Variants in MYO1E observed in about 807,000 individuals in gnomAD.
The protein encoded by MYO1E is myosin IE, also known as unconventional myosin-Ie.
In MYO1E, 68 loss-of-function variants were observed where a neutral mutation model predicts 151.1. That is an observed-to-expected ratio of 0.45 (90% CI 0.37 to 0.55). The LOEUF (loss-of-function observed/expected upper bound fraction) is 0.55. Ranked by LOEUF, MYO1E falls within the 20% of genes least tolerant of loss-of-function variation. The pLI, the probability that MYO1E is intolerant of heterozygous loss-of-function variation, is 0.00. For missense variants in MYO1E, 1,363 were observed against 1,389.3 expected (o/e 0.98, Z 0.30); for synonymous variants, 601 against 501.7 (o/e 1.20, Z -2.64).
chr15:59,144,003 C>T (rs1191748109), intron 26 of MYO1E, among the ~76,000 whole-genome samples: 1 of 152,120 alleles, frequency 6.6e-6, no homozygotes, highest in Non-Finnish European at 1.5e-5. Context: ...GCTAACTCCC[C>T]CTGAGATGGG....
chr15:59,195,430 C>G (rs201305815), intron 17 of MYO1E, 31 bp downstream of exon 17: 1 of 1,570,390 alleles, frequency 6.4e-7, no homozygotes, highest in African/African-American at 1.4e-5. Flanking sequence ...AAAAAGGTCC[C>G]GGCCCCACCT....
At chr15:59,175,576 A>G (rs1196209190) in intron 19 of MYO1E, among the ~76,000 whole-genome samples, 5 of 152,184 alleles carry the variant, frequency 3.3e-5, no homozygotes, top group East Asian at 1.9e-4. Flanking sequence ...CAATAGGCAT[A>G]AGGACAGATT....
At chr15:59,267,244 C>T (rs1596392327) in intron 2 of MYO1E, among the ~76,000 whole-genome samples, 1 of 151,796 alleles carries the variant, frequency 6.6e-6, no homozygotes, top group South Asian at 2.1e-4. Flanking sequence ...CCAAGATGGT[C>T]TCAATCTCCT....
At chr15:59,280,523 G>A (rs2080347114) in intron 1 of MYO1E, among the ~76,000 whole-genome samples, 1 of 151,566 alleles carries the variant, frequency 6.6e-6, no homozygotes, top group Non-Finnish European at 1.5e-5. Context: ...TCCAGAGGCT[G>A]AGTCAGGAGA....
intron 1 of MYO1E, among the ~76,000 whole-genome samples, chr15:59,366,749 C>T (rs2080916190): frequency 1.3e-5 from 2 of 152,026 alleles, no homozygotes; most frequent in African/African-American, 4.8e-5. Context: ...TGCCCCAAAA[C>T]CTTTTGTCTC....
rs1596337646 is a variant in MYO1E, at chr15:59,138,236, C to G, written c.3212G>C (p.Ser1071Thr). 2 of 1,614,202 alleles carry G rather than the reference C, an allele frequency of 1.2e-6. No homozygotes were observed. Among genetic ancestry groups the G allele is most frequent in the Non-Finnish European group, 1.7e-6 (2 of 1,180,034 alleles). The change falls in exon 27 of 28, where the codon AGC (serine) becomes ACC (threonine). Residue 1071 changes from serine (S) to threonine (T), a missense_variant. Ser to Thr is a moderately conservative substitution (Grantham distance 58). Transcript: ENST00000288235. ...AYDAQDTDEL[S>T]FNANDIIDII... ...ATCAATAATGTCATTGGCATTAAAG[C>G]TGAGTTCGTCTGTGTCCTGAGCGTC...
chr15:59,289,635 G>A (rs1265195302), intron 1 of MYO1E, among the ~76,000 whole-genome samples: 1 of 152,158 alleles, frequency 6.6e-6, no homozygotes, highest in Non-Finnish European at 1.5e-5. Context: ...AAGACAGACA[G>A]AAAGGAAAAA....
At chr15:59,347,174 C>T (rs1466475014) in intron 1 of MYO1E, among the ~76,000 whole-genome samples, 3 of 152,148 alleles carry the variant, frequency 2.0e-5, no homozygotes, top group African/African-American at 7.2e-5. Flanking sequence ...CAAGCATTAC[C>T]GCCTGAGCTC....
intron 26 of MYO1E, among the ~76,000 whole-genome samples, chr15:59,150,700 T>C (rs371761532): frequency 6.6e-6 from 1 of 152,078 alleles, no homozygotes; most frequent in Non-Finnish European, 1.5e-5. Context: ...CACCTTCACA[T>C]GGAGGCTTCC....
At chr15:59,161,275 G>A (rs752476708) in intron 23 of MYO1E, 45 bp from the exon 24 acceptor site, 3 of 1,600,134 alleles carry the variant, frequency 1.9e-6, no homozygotes, top group Non-Finnish European at 2.6e-6. Flanking sequence ...GACGCAGTGA[G>A]AAAACGGTGC....
At chr15:59,180,138 A>C (rs1187989292) in intron 18 of MYO1E, among the ~76,000 whole-genome samples, 1 of 152,218 alleles carries the variant, frequency 6.6e-6, no homozygotes, top group Non-Finnish European at 1.5e-5. Flanking sequence ...CTAGAGAGGT[A>C]AATCCTCCTA....
At chr15:59,265,276 A>G (rs1236642496) in intron 2 of MYO1E, among the ~76,000 whole-genome samples, 1 of 152,164 alleles carries the variant, frequency 6.6e-6, no homozygotes, top group Non-Finnish European at 1.5e-5. Context: ...CACTGCACAC[A>G]AAGAATAAAG....
chr15:59,235,368 C>T (rs1387028525), intron 5 of MYO1E, among the ~76,000 whole-genome samples: 1 of 152,188 alleles, frequency 6.6e-6, no homozygotes. Flanking sequence ...TATGTGATAA[C>T]ATACCCAAAC....
At chr15:59,343,297 CTT>C (rs111977576) in intron 1 of MYO1E, among the ~76,000 whole-genome samples, 9 of 142,788 alleles carry the variant, frequency 6.3e-5, no homozygotes, top group Non-Finnish European at 6.2e-5. Flanking sequence ...AGAGTGAACT[CTT>C]TTTTTTTTTT....
intron 1 of MYO1E, among the ~76,000 whole-genome samples, chr15:59,288,152 T>C (rs1207209836): frequency 1.3e-5 from 2 of 152,216 alleles, no homozygotes; most frequent in Non-Finnish European, 1.5e-5. Flanking sequence ...CAAATAATTC[T>C]ATTACTTTTT....
In MYO1E at chr15:59,138,335, G is replaced by A; in HGVS notation, c.3113C>T (p.Pro1038Leu). ...CTGGGGCTTGGGTCTGCCCCCTGCT[G>A]GGGGAGGCCGACTGGTTGTTTGTCT... ...VRRQTTSRPP[P>L]AGGRPKPQPK... The change falls in exon 27 of 28, where the codon CCA (proline) becomes CTA (leucine). Residue 1038 changes from proline to leucine, a missense_variant. Transcript: ENST00000288235. 2 of 1,614,142 alleles carry A rather than the reference G, an allele frequency of 1.2e-6. No homozygotes were observed. The highest frequency in any genetic ancestry group is 1.3e-5 in the African/African-American group (1 of 75,046).
At chr15:59,141,583 G>C (rs1351591247) in intron 26 of MYO1E, among the ~76,000 whole-genome samples, 1 of 152,148 alleles carries the variant, frequency 6.6e-6, no homozygotes, top group African/African-American at 2.4e-5. Flanking sequence ...TGGATCACCT[G>C]AAGTCAGGAG....
intron 1 of MYO1E, among the ~76,000 whole-genome samples, chr15:59,310,928 C>T (rs374933112): frequency 6.6e-6 from 1 of 152,120 alleles, no homozygotes; most frequent in Non-Finnish European, 1.5e-5. Flanking sequence ...CAAGCAAGCC[C>T]TTAGTGTGCC....
Position 59,135,184 on chromosome 15 carries a change from G to C in MYO1E, c.*2196C>G. The C allele has an allele frequency of 6.6e-6, 1 of 152,316 alleles. No homozygotes were observed. The highest frequency in any genetic ancestry group is 1.9e-4 in the East Asian group (1 of 5,176). 9.4% of individuals were successfully genotyped at this position (152,316 alleles called of 1,614,324 possible). On this transcript the variant is annotated 3_prime_UTR_variant, in exon 28 of 28. Transcript: ENST00000288235. ...GCTGGGCACACGATGCAGGTGCTAAGGGCTTGGTCTGTGATTTCCATGGAT... is the reference window on the plus strand; with the variant it reads ...GCTGGGCACACGATGCAGGTGCTAACGGCTTGGTCTGTGATTTCCATGGAT...
Sources: allele counts gnomAD v4.1 joint callset (sites outside exome capture counted in the v4.1 genomes callset), GRCh38; gene constraint gnomAD v4.1.1; transcripts MANE v1.5; gene names NCBI Gene and HGNC (gene_info 2026-07-23, HGNC 2026-07-21).